C5: variants seen among roughly 807,000 people sequenced by gnomAD.
C5 encodes C3 and PZP-like alpha-2-macroglobulin domain-containing protein 4.
Under a neutral mutation model 218.8 loss-of-function variants are expected in C5, and 140 were observed. The ratio of observed to expected loss-of-function variants is 0.64; its 90% CI spans 0.56 to 0.74. The LOEUF (loss-of-function observed/expected upper bound fraction) is 0.74. Ranked by LOEUF, C5 falls within the 30% of genes least tolerant of loss-of-function variation. The pLI, the probability that C5 is intolerant of heterozygous loss-of-function variation, is 0.00. For synonymous variants in C5, 614 were observed against 682.3 expected (o/e 0.90, Z 1.56); for missense variants, 1,700 against 1,969.6 (o/e 0.86, Z 2.59).
chr9:121,016,410 A>C (rs41309850), intron 14 of C5, 27 bp from the exon 15 acceptor site: 165,785 of 1,612,658 alleles, frequency 0.1, 9,267 homozygotes, highest in African/African-American at 0.14. Flanking sequence ...AATGTTGAGC[A>C]CATTGAGATG....
At chr9:120,994,322 C>T (rs2047100009) in intron 22 of C5, among the ~76,000 whole-genome samples, 1 of 152,048 alleles carries the variant, frequency 6.6e-6, no homozygotes, top group Non-Finnish European at 1.5e-5. Context: ...GTGGCTCACG[C>T]CTGTAGTCCC....
rs35702133 is a variant in C5 at position 121,025,594 on chromosome 9, GA to G, written c.874-15del. ...TCCATTTATCAACTTTTTAAAAGGA[GA>G]AAAAGGAGGAGTTATTTCGGAGAAG... On this transcript the variant is annotated splice_polypyrimidine_tract_variant and intron_variant, in intron 8 of 40. Transcript: ENST00000223642. 1 of 1,609,362 alleles carries G rather than the reference GA, an allele frequency of 6.2e-7. No homozygotes were observed.
intron 21 of C5, 64 bp downstream of exon 21, chr9:120,997,483 C>G (rs955784483): frequency 1.7e-6 from 2 of 1,166,130 alleles, no homozygotes; most frequent in East Asian, 2.4e-5. Context: ...TTCTCTCCCC[C>G]CCCTTTCTGT....
intron 20 of C5, among the ~76,000 whole-genome samples, chr9:121,004,860 AT>A (rs2047203312): frequency 6.6e-6 from 1 of 152,158 alleles, no homozygotes; most frequent in Non-Finnish European, 1.5e-5. Flanking sequence ...AAACAGTTTT[AT>A]TTTAAGATAC....
intron 24 of C5, 38 bp from the exon 25 acceptor site, chr9:120,989,159 A>G (rs2047056941): frequency 6.7e-7 from 1 of 1,500,922 alleles, no homozygotes; most frequent in Non-Finnish European, 9.3e-7. Context: ...TGCTTAACAG[A>G]CCTCCGTTTC....
At chr9:121,021,775 T>C in intron 10 of C5, 81 bp from the exon 11 acceptor site, 2 of 1,221,244 alleles carry the variant, frequency 1.6e-6, no homozygotes, top group South Asian at 2.4e-5. Context: ...TTTTCCTTCC[T>C]CCCCACCAAA....
chr9:121,010,222 A>G (rs189247063), intron 17 of C5, among the ~76,000 whole-genome samples: 1 of 152,374 alleles, frequency 6.6e-6, no homozygotes, highest in Non-Finnish European at 1.5e-5. Flanking sequence ...ATATGATCAC[A>G]TATTTGGAAA....
chr9:120,964,711 A>C (rs578144571), intron 33 of C5, among the ~76,000 whole-genome samples: 2 of 152,332 alleles, frequency 1.3e-5, no homozygotes, highest in South Asian at 4.1e-4. Context: ...TTGTTTTGTA[A>C]GAGAGAAAAG....
chr9:120,986,001 G>A (rs375795045), intron 25 of C5, among the ~76,000 whole-genome samples: 2 of 152,124 alleles, frequency 1.3e-5, no homozygotes, highest in African/African-American at 4.8e-5. Flanking sequence ...TGACCTGTAC[G>A]TAGCTAACTC....
chr9:121,049,874 G>A (rs1261491540), intron 1 of C5, among the ~76,000 whole-genome samples: 1 of 152,064 alleles, frequency 6.6e-6, no homozygotes, highest in Non-Finnish European at 1.5e-5. Context: ...TAAACACCAA[G>A]TTAAAATAAG....
chr9:121,065,090 T>G, the C5 span, among the ~76,000 whole-genome samples: 1 of 134,506 alleles, frequency 7.4e-6, no homozygotes, highest in African/African-American at 2.7e-5. Flanking sequence ...TATATATATA[T>G]ATGAAAGTAT....
intron 38 of C5, among the ~76,000 whole-genome samples, chr9:120,959,249 TTTCTTTCTTTCTTTC>T (rs1050511963): frequency 1.5e-4 from 18 of 119,536 alleles, no homozygotes; most frequent in African/African-American, 7.0e-4. Context: ...TCTTTCTTTC[TTTCTTTCTTTCTTTC>T]TTTTTTTTTT....
At chr9:121,053,287 T>C (rs12003718), upstream of C5, among the ~76,000 whole-genome samples, 2,920 of 152,300 alleles carry the variant, frequency 0.019, 88 homozygotes, top group African/African-American at 0.067. Context: ...TCTGACTGCT[T>C]TTTGGCTCAA....
At chr9:120,964,520 G>T (rs2046852335) in intron 33 of C5, among the ~76,000 whole-genome samples, 1 of 152,094 alleles carries the variant, frequency 6.6e-6, no homozygotes, top group Admixed American at 6.5e-5. Flanking sequence ...TACTTTGGAT[G>T]GTGAGATTAT....
the C5 span, among the ~76,000 whole-genome samples, chr9:121,059,478 C>T: frequency 6.6e-6 from 1 of 152,186 alleles, no homozygotes; most frequent in Non-Finnish European, 1.5e-5. This position sits in a 1 kb window ranked among gnomAD's most constrained non-coding sequence, Gnocchi z 4.1. Flanking sequence ...CTGAGCCACG[C>T]TTTTTCAGAC....
Position 120,962,976 on chromosome 9 carries a change from G to T in C5, c.4324-9C>A. On this transcript the variant is annotated splice_polypyrimidine_tract_variant and intron_variant, in intron 34 of 40. Transcript: ENST00000223642. ...TCCACCCCTTCCACAAGCTAAGGGG[G>T]AAAAGAGAGAAGCTTGAATTTCATT... The T allele has an allele frequency of 1.2e-6, 2 of 1,601,084 alleles. No individual in the cohort carries two copies. Among genetic ancestry groups the T allele is most frequent in the South Asian group, 1.1e-5 (1 of 90,822 alleles).
At position 121,013,963 on chromosome 9, in the gene C5, T is replaced by C; in HGVS notation, c.2167A>G (p.Arg723Gly). The C allele has an allele frequency of 6.2e-7, 1 of 1,614,204 alleles. No individual in the cohort carries two copies. The highest frequency in any genetic ancestry group is 8.5e-7 in the Non-Finnish European group (1 of 1,180,028). The change falls in exon 17 of 41, where the codon AGA becomes GGA. Residue 723 changes from arginine (R) to glycine (G), a missense_variant. Physicochemically the swap from Arg to Gly is moderately radical, Grantham distance 125. Coordinates refer to ENST00000223642, the MANE Select transcript of C5 (RefSeq NM_001735.3). ...QRAARISLGP[R>G]CIKAFTECCV... ...CATTCAGTGAAAGCTTTGATGCATC[T>C]TGGCCCTAAACTAATCCGTGCAGCT...
chr9:120,969,777 T>C (rs2046896836), intron 32 of C5, among the ~76,000 whole-genome samples: 1 of 152,122 alleles, frequency 6.6e-6, no homozygotes, highest in Non-Finnish European at 1.5e-5. Flanking sequence ...GGCTAAGGGA[T>C]GGAAAACTAA....
chr9:121,025,426 A>G, intron 9 of C5, 28 bp downstream of exon 9: 1 of 1,585,950 alleles, frequency 6.3e-7, no homozygotes, highest in African/African-American at 1.3e-5. Flanking sequence ...GTATACACAC[A>G]CACACACACA....
Sources: allele counts gnomAD v4.1 joint callset (sites outside exome capture counted in the v4.1 genomes callset), GRCh38; gene constraint gnomAD v4.1.1; non-coding constraint Gnocchi (gnomAD v3.1); transcripts MANE v1.5; gene names NCBI Gene and HGNC (gene_info 2026-07-23, HGNC 2026-07-21).